SBF1: variants seen among roughly 807,000 people sequenced by gnomAD.
SBF1 encodes the protein SET binding factor 1.
A neutral mutation model predicts 215.8 loss-of-function variants in SBF1; 65 were observed. The observed-to-expected ratio is 0.30, with a 90% CI of 0.25 to 0.37. The LOEUF is 0.37. SBF1 is among the 10% of genes least tolerant of loss of function. The pLI is 1.00. For missense variants in SBF1, 2,634 were observed against 2,667.8 expected (o/e 0.99, Z 0.28); for synonymous variants, 1,410 against 1,122.8 (o/e 1.26, Z -5.11).
rs1408522311 is a variant in SBF1 at position 50,454,822 on chromosome 22, C to A, written c.4804G>T (p.Asp1602Tyr). Residue 1602 changes from aspartate to tyrosine, a missense_variant, in exon 35 of 41, where the codon GAC (aspartate) becomes TAC (tyrosine). By Grantham distance (160) the Asp-to-Tyr change is radical. Coordinates refer to ENST00000380817, the MANE Select transcript of SBF1 (RefSeq NM_002972.4). ...CCCAGGCCCCAGCTTACCTCTGCGTCCTCGGGCGCATACATGTAATTGTGG... is the reference window on the plus strand; with the variant it reads ...CCCAGGCCCCAGCTTACCTCTGCGTACTCGGGCGCATACATGTAATTGTGG... ...VFHNYMYAPE[D>Y]AEVLRPYSNV... is the part of the protein sequence containing the mutation. 6.2e-7 allele frequency: 1 copy of A among 1,614,014 alleles called. No homozygotes were observed. Among genetic ancestry groups the A allele is most frequent in the Admixed American group, 1.7e-5 (1 of 60,020 alleles).
At position 50,465,093 on chromosome 22, in the gene SBF1, C is replaced by T. The variant is rs1455539084; in HGVS notation, c.1240G>A (p.Asp414Asn). Residue 414 changes from aspartate to asparagine, a missense_variant, in exon 12 of 41, where the codon GAT (aspartate) becomes AAT (asparagine). Physicochemically the swap from Asp to Asn is conservative, Grantham distance 23 (BLOSUM62 1). Transcript: ENST00000380817. ...FLGQRGLVEDDFLMKVLEGMA... is the reference protein window; with the variant it reads ...FLGQRGLVEDNFLMKVLEGMA... ...CCCTCCAGCACCTTCATCAGGAAAT[C>T]GTCCTCTACCAGCCCACGCTGGCCC... 3 of 1,613,978 alleles carry T rather than the reference C, an allele frequency of 1.9e-6. No individual in the cohort carries two copies. Among genetic ancestry groups the T allele is most frequent in the Admixed American group, 1.7e-5 (1 of 59,998 alleles).
rs2067239555 is a variant in SBF1, at chr22:50,456,196, G to A, written c.4266+20C>T. ...GGGCCCAGCACCAAGGCGGGCAGAGGGACGGGGCAGTGCAGAGACCTGGAT... is the reference window on the plus strand; with the variant it reads ...GGGCCCAGCACCAAGGCGGGCAGAGAGACGGGGCAGTGCAGAGACCTGGAT... On this transcript the variant is annotated intron_variant, in intron 31 of 40. Transcript: ENST00000380817. The A allele has an allele frequency of 1.2e-6, 2 of 1,609,410 alleles. No individual in the cohort carries two copies. The highest frequency in any genetic ancestry group is 8.5e-7 in the Non-Finnish European group (1 of 1,178,554).
At chr22:50,452,140 T>TAAAAAAA (rs374473892) in intron 36 of SBF1, among the ~76,000 whole-genome samples, 2 of 113,222 alleles carry the variant, frequency 1.8e-5, no homozygotes, top group Non-Finnish European at 1.9e-5. Flanking sequence ...ACTGCTGAAT[T>TAAAAAAA]AAAAAAAAAA....
rs751235356 is a variant in SBF1 at position 50,467,934 on chromosome 22, G to A, written c.142-11C>T. 3 of 1,613,396 alleles carry A rather than the reference G, an allele frequency of 1.9e-6. No individual in the cohort carries two copies. The highest frequency in any genetic ancestry group is 2.2e-5 in the South Asian group (2 of 90,898). ...GCTGGGCTGGCAAAACTGCAGGGAA[G>A]GCTCAGCAGTCAGCTCCTCCCCCTA... is the stretch of plus-strand genomic sequence containing the variant. On this transcript the variant is annotated splice_polypyrimidine_tract_variant and intron_variant, in intron 2 of 40. Coordinates refer to ENST00000380817, the MANE Select transcript of SBF1 (RefSeq NM_002972.4).
rs1352408706 is a variant in SBF1 at position 50,445,780 on chromosome 22, C to G, written c.*1362G>C. Reference sequence around the variant, plus strand: ...GGGGAGGTGGCGGGACCATGCTGGGCCTGACAGGGTCCAAGGCCATCCTTG... The same window carrying G: ...GGGGAGGTGGCGGGACCATGCTGGGGCTGACAGGGTCCAAGGCCATCCTTG... On this transcript the variant is annotated 3_prime_UTR_variant, in exon 41 of 41. Coordinates refer to ENST00000380817, the MANE Select transcript of SBF1 (RefSeq NM_002972.4). 2 of 152,452 alleles carry G rather than the reference C, an allele frequency of 1.3e-5. No homozygotes were observed. The highest frequency in any genetic ancestry group is 1.9e-4 in the East Asian group (1 of 5,184). 9.4% of individuals were successfully genotyped at this position (152,452 alleles called of 1,614,324 possible).
At chr22:50,464,292 G>T (rs188038325) in intron 15 of SBF1, 37 bp downstream of exon 15, 9 of 1,550,790 alleles carry the variant, frequency 5.8e-6, no homozygotes, top group Middle Eastern at 1.7e-4. Flanking sequence ...TCTGAAACCC[G>T]CTGCCCTGGC....
Position 50,458,672 on chromosome 22 carries a change from G to A in SBF1, c.3826+583C>T, listed in dbSNP as rs182680168. On this transcript the variant is annotated intron_variant, in intron 28 of 40. Transcript: ENST00000380817. ...GGGCCTATCTGCCACCCCGTCCTGGGGCCAGTCTAGCTCAGTGTGTGCAGG... is the reference window on the plus strand; with the variant it reads ...GGGCCTATCTGCCACCCCGTCCTGGAGCCAGTCTAGCTCAGTGTGTGCAGG... 1.7e-3 allele frequency among the ~76,000 whole-genome samples: 253 copies of A among 152,368 alleles called. 1 individual carries two copies. The highest frequency in any genetic ancestry group is 6.0e-3 in the Admixed American group (92 of 15,308).
In SBF1 at chr22:50,463,436, G is replaced by A. The variant is rs1235206008; in HGVS notation, c.1750-4C>T. 3 of 1,565,002 alleles carry A rather than the reference G, an allele frequency of 1.9e-6. No individual in the cohort carries two copies. The highest frequency in any genetic ancestry group is 1.3e-5 in the African/African-American group (1 of 74,208). Reference sequence around the variant, plus strand: ...CCCTCAACACGGCTGGGAGCAGCTGGGGGTGGGGAAAGGAGACACGGGCTG... The same window carrying A: ...CCCTCAACACGGCTGGGAGCAGCTGAGGGTGGGGAAAGGAGACACGGGCTG... On this transcript the variant is annotated splice_polypyrimidine_tract_variant and splice_region_variant and intron_variant, in intron 15 of 40. Coordinates refer to ENST00000380817, the MANE Select transcript of SBF1 (RefSeq NM_002972.4).
intron 28 of SBF1, 47 bp from the exon 29 acceptor site, chr22:50,457,158 G>C: frequency 7.1e-7 from 1 of 1,409,904 alleles, no homozygotes; most frequent in Non-Finnish European, 9.3e-7. Context: ...CCAGGCCTGG[G>C]CGTGCCCAGC....
At chr22:50,451,172 A>C (rs1175613419) in intron 36 of SBF1, among the ~76,000 whole-genome samples, 2 of 98,338 alleles carry the variant, frequency 2.0e-5, no homozygotes, top group Admixed American at 2.1e-4. Flanking sequence ...TCTACAAAAA[A>C]AAAAAAAAAA....
intron 1 of SBF1, 29 bp downstream of exon 1, chr22:50,474,756 CG>C: frequency 1.4e-6 from 2 of 1,460,362 alleles, no homozygotes; most frequent in Non-Finnish European, 1.8e-6. Flanking sequence ...CCTCGGCCCC[CG>C]GCCCTCAGCG....
chr22:50,462,540 C>T lies in SBF1; in HGVS notation c.2127+19G>A. The T allele has an allele frequency of 6.2e-7, 1 of 1,609,992 alleles. No homozygotes were observed. Among genetic ancestry groups the T allele is most frequent in the Non-Finnish European group, 8.5e-7 (1 of 1,178,660 alleles). ...CAGCCCCTAGCCCCCAGCCCCCAGC[C>T]CAGGGAGTCCCTGCGCACCTGGGCG... On this transcript the variant is annotated intron_variant, in intron 18 of 40. Transcript: ENST00000380817.
intron 1 of SBF1, among the ~76,000 whole-genome samples, chr22:50,470,547 G>GC (rs2067959785): frequency 6.6e-6 from 1 of 152,140 alleles, no homozygotes. Context: ...TGCCATGACA[G>GC]CCCCAGACTG....
rs778897916 is a variant in SBF1 at position 50,462,138 on chromosome 22, T to C, written c.2397-19A>G. 8.1e-6 allele frequency: 13 copies of C among 1,611,406 alleles called. No individual in the cohort carries two copies. The highest frequency in any genetic ancestry group is 2.7e-5 in the African/African-American group (2 of 75,052). On this transcript the variant is annotated intron_variant, in intron 19 of 40. Coordinates refer to ENST00000380817, the MANE Select transcript of SBF1 (RefSeq NM_002972.4). The stretch of plus-strand genomic sequence containing the variant: ...AGCCATGCTGGGCCAGAGAAGAAAC[T>C]GTGGGCATGGGCCCTGCCCACCACG...
In SBF1 at chr22:50,464,574, C is replaced by T. The variant is rs1221371542; in HGVS notation, c.1596G>A (p.Lys532=). The T allele has an allele frequency of 9.9e-6, 16 of 1,612,114 alleles. No individual in the cohort carries two copies. The highest frequency in any genetic ancestry group is 1.3e-5 in the African/African-American group (1 of 74,948). Residue 532 remains lysine, a synonymous_variant, in exon 14 of 41, where the codon AAG becomes AAA. Coordinates refer to ENST00000380817, the MANE Select transcript of SBF1 (RefSeq NM_002972.4). ...AKMQGAPPAV[K]AERRTTVPSG... ...AGGGCACGGTGGTCCTCCTCTCGGC[C>T]TTCACAGCTGGGGGTGCACCCTGCA...
intron 28 of SBF1, among the ~76,000 whole-genome samples, chr22:50,459,032 G>A (rs1278503915): frequency 5.3e-5 from 8 of 152,088 alleles, no homozygotes; most frequent in South Asian, 2.1e-4. Context: ...ACGTCAGGGC[G>A]GGCAGGAGGT....
Position 50,469,675 on chromosome 22 carries a change from C to A in SBF1, c.56-1214G>T, listed in dbSNP as rs564578481. The stretch of plus-strand genomic sequence containing the variant: ...GACGGGCCTCTACACCGCCACCCAC[C>A]TGGCGGAAGCAGCAGAGCCAGATGG... On this transcript the variant is annotated intron_variant, in intron 1 of 40. Transcript: ENST00000380817. 2.7e-3 allele frequency among the ~76,000 whole-genome samples: 407 copies of A among 152,338 alleles called. 1 individual carries two copies. The highest frequency in any genetic ancestry group is 9.6e-3 in the African/African-American group (401 of 41,568).
Position 50,462,459 on chromosome 22 carries a change from T to C in SBF1, c.2142A>G (p.Ala714=). The C allele has an allele frequency of 6.2e-7, 1 of 1,613,476 alleles. No homozygotes were observed. Among genetic ancestry groups the C allele is most frequent in the Non-Finnish European group, 8.5e-7 (1 of 1,179,878 alleles). Residue 714 remains alanine (A), a synonymous_variant, in exon 19 of 41, where the codon GCA becomes GCG. Transcript: ENST00000380817. ...DLAPAQEVGE[A]PSQEDERSAL... is the part of the protein sequence containing the mutation. ...CAGAGCGCTCGTCCTCCTGGGAAGG[T>C]GCCTCCCCAACCTCCTGCCACGGCA...
Position 50,464,816 on chromosome 22 carries a change from T to TA in SBF1, c.1431+2dup. 6.2e-7 allele frequency: 1 copy of TA among 1,613,566 alleles called. No individual in the cohort carries two copies. Among genetic ancestry groups the TA allele is most frequent in the South Asian group, 1.1e-5 (1 of 91,066 alleles). Reference sequence around the variant, plus strand: ...ACGCCCTCCCGTCCTGCTACCCTCGTACGTTCTTGTAGAGCTGCTCTGCCA... The same window carrying TA: ...ACGCCCTCCCGTCCTGCTACCCTCGTAACGTTCTTGTAGAGCTGCTCTGCCA... On this transcript the variant is annotated splice_region_variant and intron_variant, in intron 13 of 40. Transcript: ENST00000380817.
Sources: gnomAD v4.1 joint callset for allele counts (sites outside exome capture counted in the v4.1 genomes callset) on GRCh38, gnomAD v4.1.1 for gene constraint, MANE v1.5 for transcripts, NCBI Gene and HGNC (gene_info 2026-07-23, HGNC 2026-07-21) for gene names.